The following ABCA8 variants were observed in gnomAD, a reference collection of about 807,000 sequenced individuals.
ABCA8 encodes the protein ABC-type organic anion transporter ABCA8.
ABCA8 carries 177 observed loss-of-function variants against 192.3 expected under a neutral mutation model. That is an observed-to-expected ratio of 0.92 (90% confidence interval 0.81 to 1.04). The LOEUF is 1.04. Ranked by LOEUF, ABCA8 falls within the 50% of genes least tolerant of loss-of-function variation. The pLI, the probability that ABCA8 is intolerant of heterozygous loss-of-function variation, is 0.00. For synonymous variants in ABCA8, 642 were observed against 690.2 expected (o/e 0.93, Z 1.09); for missense variants, 1,915 against 1,904.8 (o/e 1.01, Z -0.10).
At chr17:68,938,569 T>C (rs531420602) in intron 4 of ABCA8, among the ~76,000 whole-genome samples, 7 of 152,254 alleles carry the variant, frequency 4.6e-5, no homozygotes, top group African/African-American at 1.4e-4. Context: ...AATTTTTATA[T>C]TCCTTTAAAA....
intron 5 of ABCA8, 71 bp from the exon 6 acceptor site, chr17:68,933,342 G>GTTTGCT: frequency 1.0e-6 from 1 of 989,514 alleles, no homozygotes; most frequent in Non-Finnish European, 1.5e-6. Context: ...TTTTAATACT[G>GTTTGCT]ATTATAGCAA....
At chr17:68,871,076 G>T (rs1054576257) in intron 37 of ABCA8, among the ~76,000 whole-genome samples, 2 of 152,004 alleles carry the variant, frequency 1.3e-5, no homozygotes, top group Non-Finnish European at 2.9e-5. Context: ...CCACAGACTG[G>T]GCAATTTATA....
chr17:68,935,598 G>A (rs887864680), intron 5 of ABCA8, among the ~76,000 whole-genome samples: 34 of 127,062 alleles, frequency 2.7e-4, no homozygotes, highest in African/African-American at 9.6e-4. Context: ...CTCTGTTGAT[G>A]GACACTTATG....
intron 7 of ABCA8, among the ~76,000 whole-genome samples, chr17:68,930,028 G>A (rs192063089): frequency 2.6e-5 from 4 of 151,574 alleles, no homozygotes; most frequent in East Asian, 3.9e-4. Context: ...ATTTTGGATC[G>A]AACATTTTAT....
At chr17:68,941,811 T>A in intron 3 of ABCA8, 128 bp downstream of exon 3, 1 of 602,124 alleles carries the variant, frequency 1.7e-6, no homozygotes, top group Non-Finnish European at 2.9e-6. Context: ...TTTTCTGTTG[T>A]ATAAACGTTG....
In ABCA8 at chr17:68,929,870, G is replaced by C. The variant is rs1212829436; in HGVS notation, c.798-168C>G. 2.0e-5 allele frequency among the ~76,000 whole-genome samples: 3 copies of C among 151,604 alleles called. No homozygotes were observed. The East Asian group carries it at 5.8e-4, about 29-fold the overall frequency. The stretch of plus-strand genomic sequence containing the variant: ...TATATAAATACAAGGTAAAAGTTTT[G>C]GGCAGAATTCTTTAGAATTAGGAAT... On this transcript the variant is annotated intron_variant, in intron 7 of 39. Transcript: ENST00000586539.
intron 28 of ABCA8, 49 bp downstream of exon 28, chr17:68,884,282 A>G: frequency 6.8e-7 from 1 of 1,480,062 alleles, no homozygotes; most frequent in African/African-American, 1.4e-5. Flanking sequence ...ACTGAAAATT[A>G]TTAAATTTAG....
At chr17:68,924,341 C>T (rs967861276) in intron 11 of ABCA8, among the ~76,000 whole-genome samples, 5 of 105,884 alleles carry the variant, frequency 4.7e-5, no homozygotes, top group Admixed American at 1.9e-4. Context: ...AGCAAAATTC[C>T]GTCAAAAAAA....
In ABCA8 at chr17:68,922,228, T is replaced by G; in HGVS notation, c.1501+14A>C. ...TTTTTTTTTTTTTTTTTTTTTTTTT[T>G]TTTTTTTTTTTACCTTTCAAGGCTT... On this transcript the variant is annotated intron_variant, in intron 12 of 39. Coordinates refer to ENST00000586539, the MANE Select transcript of ABCA8 (RefSeq NM_001288985.2). 1.9e-6 allele frequency: 1 copy of G among 523,754 alleles called. No individual in the cohort carries two copies. Among genetic ancestry groups the G allele is most frequent in the African/African-American group, 2.3e-5 (1 of 44,112 alleles). The allele number at this position is 523,754 out of a possible 1,614,324, so 32.4% of individuals were successfully genotyped here.
intron 13 of ABCA8, among the ~76,000 whole-genome samples, chr17:68,921,094 G>A (rs1226757773): frequency 2.0e-5 from 3 of 151,920 alleles, no homozygotes; most frequent in East Asian, 1.9e-4. Context: ...GCAAACTATT[G>A]CAAGGACAAA....
rs2066214524 is a variant in ABCA8, at chr17:68,876,648, A to T, written c.4255T>A (p.Ser1419Thr). Residue 1419 changes from serine (S) to threonine (T), a missense_variant, in exon 34 of 40, where the codon TCA becomes ACA. Transcript: ENST00000586539. ...DQLKSPVKTL[S>T]EGIKRKLCFV... is the part of the protein sequence containing the mutation. ...CGTACCTTTCTCTTTATTCCCTCTG[A>T]CAAGGTCTTCACGGGAGACTTCAGC... The T allele has an allele frequency of 6.2e-7, 1 of 1,614,058 alleles. No homozygotes were observed. The highest frequency in any genetic ancestry group is 1.7e-5 in the Admixed American group (1 of 60,004).
intron 37 of ABCA8, among the ~76,000 whole-genome samples, chr17:68,872,579 A>T (rs79772318): frequency 0.058 from 8,811 of 150,666 alleles, 310 homozygotes; most frequent in East Asian, 0.12. Flanking sequence ...AAGTATAATT[A>T]AAAAAAAATA....
Position 68,884,319 on chromosome 17 carries a change from G to T in ABCA8, c.3615+12C>A, listed in dbSNP as rs142791975. 129 of 1,561,474 alleles carry T rather than the reference G, an allele frequency of 8.3e-5. No individual in the cohort carries two copies. In the African/African-American group the frequency reaches 1.5e-3, roughly 18 times the overall value. On this transcript the variant is annotated intron_variant, in intron 28 of 39. Transcript: ENST00000586539. The stretch of plus-strand genomic sequence containing the variant: ...AAAAAGTGATAATTTTTAAAGAACA[G>T]TGTGTTCTTACAATTAGGAATACCA...
Position 68,891,501 on chromosome 17 carries a change from G to T in ABCA8, c.3132C>A (p.Ile1044=). Residue 1044 remains isoleucine, a synonymous_variant, in exon 24 of 40, where the codon ATC becomes ATA. Transcript: ENST00000586539. ...SCPPYIAMSS[I]DDYKNRARSQ... Reference sequence around the variant, plus strand: ...TACTCATTATTACCTTATAATCATCGATGCTGCTCATGGCAATGTAAGGTG... The same window carrying T: ...TACTCATTATTACCTTATAATCATCTATGCTGCTCATGGCAATGTAAGGTG... 6.2e-7 allele frequency: 1 copy of T among 1,610,436 alleles called. No individual in the cohort carries two copies. The highest frequency in any genetic ancestry group is 8.5e-7 in the Non-Finnish European group (1 of 1,177,782).
chr17:68,938,450 T>C (rs2068133029), intron 4 of ABCA8, among the ~76,000 whole-genome samples: 1 of 152,124 alleles, frequency 6.6e-6, no homozygotes, highest in Non-Finnish European at 1.5e-5. Context: ...AAAGAGGTTA[T>C]GCAGGCTTCC....
intron 23 of ABCA8, among the ~76,000 whole-genome samples, chr17:68,893,839 A>T (rs1160791439): frequency 5.0e-5 from 7 of 141,256 alleles, no homozygotes; most frequent in African/African-American, 1.8e-4. Context: ...GCACCCACTA[A>T]CTCGTCATCT....
intron 21 of ABCA8, among the ~76,000 whole-genome samples, chr17:68,899,570 A>T (rs2066854856): frequency 6.6e-6 from 1 of 152,112 alleles, no homozygotes; most frequent in Non-Finnish European, 1.5e-5. Flanking sequence ...TTATAAACGT[A>T]TATACACTTA....
At chr17:68,877,438 T>A in intron 33 of ABCA8, 81 bp downstream of exon 33, 2 of 1,362,422 alleles carry the variant, frequency 1.5e-6, no homozygotes, top group East Asian at 5.0e-5. Flanking sequence ...TCTCCCATCC[T>A]GAATTTCCTG....
chr17:68,909,311 G>T (rs2067175555), intron 17 of ABCA8, among the ~76,000 whole-genome samples: 1 of 152,180 alleles, frequency 6.6e-6, no homozygotes, highest in Non-Finnish European at 1.5e-5. Flanking sequence ...CCACTCTGCT[G>T]TTGTAACATG....
Sources: allele counts gnomAD v4.1 joint callset (sites outside exome capture counted in the v4.1 genomes callset), GRCh38; gene constraint gnomAD v4.1.1; transcripts MANE v1.5; gene names NCBI Gene and HGNC (gene_info 2026-07-23, HGNC 2026-07-21).